ASH2L: variants seen among roughly 807,000 people sequenced by gnomAD.
ASH2L encodes ASH2 like, histone lysine methyltransferase complex subunit.
Under a neutral mutation model 81.1 loss-of-function variants are expected in ASH2L, and 30 were observed. That is an observed-to-expected ratio of 0.37 (90% confidence interval 0.28 to 0.50). The LOEUF (loss-of-function observed/expected upper bound fraction) is 0.50, where lower values mean the gene tolerates loss of function less well. Ranked by LOEUF, ASH2L falls within the 20% of genes least tolerant of loss-of-function variation. The pLI is 0.95. For synonymous variants in ASH2L, 273 were observed against 279.9 expected (o/e 0.98, Z 0.24); for missense variants, 559 against 792.1 (o/e 0.71, Z 3.53).
chr8:38,114,157 C>A (rs947767270), intron 5 of ASH2L, 35 bp from the exon 6 acceptor site: 4 of 1,209,246 alleles, frequency 3.3e-6, no homozygotes, highest in Non-Finnish European at 4.7e-6. Context: ...TCTTTGATTG[C>A]AGCAGTAATA....
At chr8:38,107,340 G>A (rs1810480470) in intron 3 of ASH2L, among the ~76,000 whole-genome samples, 174 bp downstream of exon 3, 3 of 152,094 alleles carry the variant, frequency 2.0e-5, no homozygotes, top group African/African-American at 7.2e-5. Context: ...CATGTTATCT[G>A]CTTACTGAGG....
At position 38,114,193 on chromosome 8, in the gene ASH2L, A is replaced by G; in HGVS notation, c.587A>G (p.Asp196Gly). ...HPKTMFSKDK[D>G]IIPFIDKYWE... is the part of the protein sequence containing the mutation. ...GTCTTAATTTATTTTGAAAATTAGG[A>G]TATTATACCATTTATTGATAAATAC... The change falls in exon 6 of 16, where the codon GAT becomes GGT. Residue 196 changes from aspartate (D) to glycine (G), a missense_variant and splice_region_variant. Physicochemically the swap from Asp to Gly is moderately conservative, Grantham distance 94. Around this residue, in one of 4 missense-constraint regions of ASH2L, gnomAD observed 318 missense variants for 527.0 expected, o/e 0.60. Coordinates refer to ENST00000343823, the MANE Select transcript of ASH2L (RefSeq NM_004674.5). 4 of 1,553,888 alleles carry G rather than the reference A, an allele frequency of 2.6e-6. No homozygotes were observed. The highest frequency in any genetic ancestry group is 3.5e-6 in the Non-Finnish European group (4 of 1,143,058).
chr8:38,139,107 A>G lies in ASH2L; in HGVS notation c.*36A>G. ...CTTTTCTGTCAAGGACTTTCTGGGA[A>G]TAATACTGGGGGTTTTGTTTTTGTT... is the stretch of plus-strand genomic sequence containing the variant. On this transcript the variant is annotated 3_prime_UTR_variant, in exon 16 of 16. Transcript: ENST00000343823. The G allele has an allele frequency of 6.8e-7, 1 of 1,471,576 alleles. No homozygotes were observed. Among genetic ancestry groups the G allele is most frequent in the Admixed American group, 2.2e-5 (1 of 45,124 alleles). The allele number at this position is 1,471,576 out of a possible 1,614,324, so 91.2% of individuals were successfully genotyped here. A position where few individuals can be genotyped will look rare whatever the true frequency, so the allele number is the denominator to read the frequency against.
At chr8:38,136,824 G>A (rs1263862824) in intron 14 of ASH2L, among the ~76,000 whole-genome samples, 2 of 151,852 alleles carry the variant, frequency 1.3e-5, no homozygotes, top group African/African-American at 2.4e-5. Context: ...AGTCGCGGTG[G>A]CTCATGCCTG....
chr8:38,137,277 C>T (rs187007675), intron 14 of ASH2L, among the ~76,000 whole-genome samples: 61 of 148,912 alleles, frequency 4.1e-4, no homozygotes, highest in African/African-American at 1.4e-3. Flanking sequence ...CCGGGTGTGG[C>T]GGCTCACACC....
intron 13 of ASH2L, among the ~76,000 whole-genome samples, chr8:38,135,067 A>AT (rs1312215857): frequency 8.0e-4 from 122 of 151,890 alleles, no homozygotes; most frequent in African/African-American, 2.6e-3. Flanking sequence ...AAAAAAAAAA[A>AT]TTTTGTAGAG....
At chr8:38,123,716 G>A (rs1309087738) in intron 10 of ASH2L, among the ~76,000 whole-genome samples, 1 of 152,146 alleles carries the variant, frequency 6.6e-6, no homozygotes, top group Non-Finnish European at 1.5e-5. Context: ...CCCCTACAGT[G>A]CCCTTCTCAC....
At chr8:38,106,152 G>C in intron 1 of ASH2L, 1 of 1,531,250 alleles carries the variant, frequency 6.5e-7, no homozygotes, top group Non-Finnish European at 8.8e-7. Flanking sequence ...AGATTTGACT[G>C]TAAAGGCCGG....
intron 3 of ASH2L, 128 bp from the exon 4 acceptor site, chr8:38,110,251 G>A (rs1810629045): frequency 1.4e-6 from 1 of 709,200 alleles, no homozygotes; most frequent in East Asian, 2.6e-5. Context: ...CGTCAAGTCT[G>A]CAGTGAGCTA....
chr8:38,107,197 T>TG (rs1230402451), intron 3 of ASH2L, 31 bp downstream of exon 3: 2 of 1,610,676 alleles, frequency 1.2e-6, no homozygotes, highest in African/African-American at 2.7e-5. Flanking sequence ...TTGTGAGAAT[T>TG]GCTCGGTAAA....
chr8:38,136,256 G>T (rs1802252039), intron 14 of ASH2L, among the ~76,000 whole-genome samples: 1 of 151,380 alleles, frequency 6.6e-6, no homozygotes. Context: ...TTTTTGTAGA[G>T]GCAGGATCTC....
Position 38,128,353 on chromosome 8 carries a change from G to A in ASH2L, c.1228G>A (p.Val410Met). The A allele has an allele frequency of 6.2e-7, 1 of 1,614,126 alleles. No homozygotes were observed. Among genetic ancestry groups the A allele is most frequent in the Non-Finnish European group, 8.5e-7 (1 of 1,180,020 alleles). ...GGTTGGAGAGAAGGGCTACTCTATGGTGAGGGCCTCTCATGGAGTACGGAA... is the reference window on the plus strand; with the variant it reads ...GGTTGGAGAGAAGGGCTACTCTATGATGAGGGCCTCTCATGGAGTACGGAA... ...TVVGEKGYSM[V>M]RASHGVRKGA... The change falls in exon 11 of 16, where the codon GTG (valine) becomes ATG (methionine). Residue 410 changes from valine to methionine, a missense_variant. By Grantham distance (21) the Val-to-Met change is conservative. Around this residue, in one of 4 missense-constraint regions of ASH2L, gnomAD observed 318 missense variants for 527.0 expected, o/e 0.60. Coordinates refer to ENST00000343823, the MANE Select transcript of ASH2L (RefSeq NM_004674.5).
intron 10 of ASH2L, among the ~76,000 whole-genome samples, chr8:38,126,853 C>CAAAAAAAAAAAAAA (rs57920604): frequency 1.5e-5 from 2 of 129,782 alleles, no homozygotes; most frequent in African/African-American, 2.9e-5. Context: ...GACTCTGTCT[C>CAAAAAAAAAAAAAA]AAAAAAGAAA....
At chr8:38,117,113 C>T (rs868463125) in intron 8 of ASH2L, among the ~76,000 whole-genome samples, 3 of 152,138 alleles carry the variant, frequency 2.0e-5, no homozygotes, top group Admixed American at 6.6e-5. Flanking sequence ...TTTTTCTTGC[C>T]CTGAAACTTC....
intron 14 of ASH2L, chr8:38,138,599 C>T: frequency 2.2e-6 from 1 of 458,670 alleles, no homozygotes; most frequent in African/African-American, 2.0e-5. Flanking sequence ...TTTTCTTTGA[C>T]AACAGAAATC....
rs140068553 is a variant in ASH2L, at chr8:38,107,640, A to G, written c.401+474A>G. ...ATTGTCTACTCTCCTCAGCAAACCTATTTCCAATCATGTACCTCTTCTAGT... is the reference window on the plus strand; with the variant it reads ...ATTGTCTACTCTCCTCAGCAAACCTGTTTCCAATCATGTACCTCTTCTAGT... On this transcript the variant is annotated intron_variant, in intron 3 of 15. Transcript: ENST00000343823. 1.1e-3 allele frequency among the ~76,000 whole-genome samples: 163 copies of G among 152,072 alleles called. 2 individuals carry two copies. The highest frequency in any genetic ancestry group is 3.0e-3 in the Admixed American group (46 of 15,254).
intron 1 of ASH2L, 27 bp from the exon 2 acceptor site, chr8:38,106,351 T>TA (rs1563248427): frequency 3.1e-6 from 5 of 1,609,896 alleles, no homozygotes; most frequent in Non-Finnish European, 4.2e-6. Context: ...TGAGAATTCT[T>TA]ACTTGAGCGC....
chr8:38,110,311 T>C, intron 3 of ASH2L, 68 bp from the exon 4 acceptor site: 1 of 1,271,634 alleles, frequency 7.9e-7, no homozygotes, highest in Non-Finnish European at 1.1e-6. Flanking sequence ...GAGCCTGTCT[T>C]TAAAAAAAGA....
At position 38,138,954 on chromosome 8, in the gene ASH2L, C is replaced by G. The variant is rs373594680; in HGVS notation, c.1780-10C>G. ...TAGTCACCGTGTTCTGTTTCTCATT[C>G]CTCCTGCAGATGAGTGACATGGGCT... On this transcript the variant is annotated splice_polypyrimidine_tract_variant and intron_variant, in intron 15 of 15. Transcript: ENST00000343823. 5.7e-5 allele frequency: 92 copies of G among 1,613,666 alleles called. No homozygotes were observed. The African/African-American group carries it at 1.1e-3, about 18-fold the overall frequency.
Sources: allele counts gnomAD v4.1 joint callset (sites outside exome capture counted in the v4.1 genomes callset), GRCh38; gene constraint gnomAD v4.1.1; regional missense constraint gnomAD v4.1.1; transcripts MANE v1.5; gene names NCBI Gene and HGNC (gene_info 2026-07-23, HGNC 2026-07-21).